SETD5: variants seen among roughly 807,000 people sequenced by gnomAD.
SETD5 encodes histone-lysine N-methyltransferase SETD5.
SETD5 carries 44 observed loss-of-function variants against 153.3 expected under a neutral mutation model. The ratio of observed to expected loss-of-function variants is 0.29; its 90% CI spans 0.23 to 0.37. The LOEUF (loss-of-function observed/expected upper bound fraction) is 0.37, where lower values mean the gene tolerates loss of function less well. Among genes scored for constraint, SETD5 ranks in the 10% least tolerant of loss-of-function variants. The pLI is 1.00. For missense variants in SETD5, 1,544 were observed against 1,768.0 expected, an observed-to-expected ratio of 0.87 and a Z score of 2.27; for synonymous variants, 716 against 645.2, an observed-to-expected ratio of 1.11 and a Z score of -1.66.
rs2045949528 is a variant in SETD5 at position 9,478,013 on chromosome 3, G to GGGGGGAA, written c.*1923_*1929dup. The GGGGGGAA allele has an allele frequency of 8.3e-6, 1 of 120,068 alleles. No individual in the cohort carries two copies. Among genetic ancestry groups the GGGGGGAA allele is most frequent in the Non-Finnish European group, 1.8e-5 (1 of 56,030 alleles). 7.4% of individuals were successfully genotyped at this position (120,068 alleles called of 1,614,324 possible). A position where few individuals can be genotyped will look rare whatever the true frequency, so the allele number is the denominator to read the frequency against. ...CTTGGGGGGGTAGGGGCGGGGGGGT[G>GGGGGGAA]GGGGGAACTCTTGGAAGGGAAGAAG... is the stretch of plus-strand genomic sequence containing the variant. On this transcript the variant is annotated 3_prime_UTR_variant, in exon 23 of 23. Transcript: ENST00000402198.
intron 3 of SETD5, chr3:9,430,601 G>T (rs1251413241): frequency 1.6e-5 from 3 of 191,582 alleles, no homozygotes; most frequent in African/African-American, 7.1e-5. Flanking sequence ...TATAAAGTCA[G>T]CTACTAACCT....
At chr3:9,445,630 C>T (rs767842594) in intron 12 of SETD5, 27 bp from the exon 13 acceptor site, 3 of 1,581,758 alleles carry the variant, frequency 1.9e-6, no homozygotes, top group South Asian at 1.1e-5. Flanking sequence ...AGCTTGAGTA[C>T]AGCTGAATAT....
chr3:9,429,503 T>G (rs1360881867), intron 3 of SETD5, among the ~76,000 whole-genome samples: 1 of 152,204 alleles, frequency 6.6e-6, no homozygotes. Flanking sequence ...GTCATCTGTT[T>G]TTTTATAATA....
At chr3:9,449,739 A>G (rs2125304391) in intron 16 of SETD5, 1 of 152,382 alleles carries the variant, frequency 6.6e-6, no homozygotes, top group South Asian at 2.1e-4. Flanking sequence ...ATCTGCAAAA[A>G]GGAAGGACAC....
intron 13 of SETD5, 147 bp downstream of exon 13, chr3:9,445,887 A>G (rs1452140064): frequency 5.3e-6 from 2 of 375,848 alleles, no homozygotes; most frequent in Non-Finnish European, 9.4e-6. Flanking sequence ...AGATTTTATT[A>G]TAATTTTTTT....
At chr3:9,470,217 T>G (rs1038943860) in intron 18 of SETD5, among the ~76,000 whole-genome samples, 5 of 152,160 alleles carry the variant, frequency 3.3e-5, no homozygotes. Context: ...ATTCTAACTT[T>G]CCCAGTATTT....
chr3:9,427,384 T>C (rs2039411831), intron 2 of SETD5, among the ~76,000 whole-genome samples: 2 of 152,266 alleles, frequency 1.3e-5, no homozygotes, highest in African/African-American at 4.8e-5. Context: ...ACTTCATCTC[T>C]ACTAAAAGTA....
intron 1 of SETD5, among the ~76,000 whole-genome samples, chr3:9,403,195 A>G (rs377232519): frequency 6.6e-5 from 10 of 152,170 alleles, no homozygotes; most frequent in African/African-American, 2.2e-4. Flanking sequence ...ACCACATACT[A>G]TTAACCCCAA....
intron 1 of SETD5, among the ~76,000 whole-genome samples, chr3:9,402,310 A>G (rs901737865): frequency 6.6e-6 from 1 of 152,170 alleles, no homozygotes; most frequent in Non-Finnish European, 1.5e-5. Context: ...ATGGGATAAA[A>G]TAAACAATGA....
At chr3:9,440,385 G>C in intron 7 of SETD5, 71 bp from the exon 8 acceptor site, 2 of 802,764 alleles carry the variant, frequency 2.5e-6, no homozygotes, top group South Asian at 3.1e-5. Context: ...ACCCCAGCTT[G>C]TCCCACCCCC....
Position 9,434,246 on chromosome 3 carries a change from A to G in SETD5, c.178-88A>G, listed in dbSNP as rs781311818. On this transcript the variant is annotated intron_variant, in intron 4 of 22. Coordinates refer to ENST00000402198, the MANE Select transcript of SETD5 (RefSeq NM_001080517.3). This position sits in a 1 kb window ranked among gnomAD's most constrained non-coding sequence, Gnocchi z 5.6. The stretch of plus-strand genomic sequence containing the variant: ...AGGGGAGAGAGGGGCCAGTGTTTGG[A>G]CACTGTTGATTTAAAAAATCTTATT... 5.1e-6 allele frequency: 8 copies of G among 1,568,600 alleles called. No individual in the cohort carries two copies. Among genetic ancestry groups the G allele is most frequent in the Middle Eastern group, 1.7e-4 (1 of 5,988 alleles).
At position 9,434,001 on chromosome 3, in the gene SETD5, T is replaced by C; in HGVS notation, c.177+51T>C. 1 of 1,613,230 alleles carries C rather than the reference T, an allele frequency of 6.2e-7. No homozygotes were observed. Among genetic ancestry groups the C allele is most frequent in the East Asian group, 2.2e-5 (1 of 44,872 alleles). ...GAACAGTGATCTTCCTGGAGTGTAA[T>C]CCATTCTTATACATTGTGACTTTCT... On this transcript the variant is annotated intron_variant, in intron 4 of 22. Coordinates refer to ENST00000402198, the MANE Select transcript of SETD5 (RefSeq NM_001080517.3). The surrounding 1 kb of genome is among the most constrained non-coding windows in gnomAD (Gnocchi z 5.6).
chr3:9,471,042 A>G (rs889605998), intron 19 of SETD5, 113 bp downstream of exon 19: 8 of 626,032 alleles, frequency 1.3e-5, no homozygotes, highest in Admixed American at 8.9e-5. Context: ...CAAGTGAGAC[A>G]TAGTCTCTGC....
At chr3:9,405,799 G>T (rs868100215) in intron 1 of SETD5, among the ~76,000 whole-genome samples, 1 of 152,104 alleles carries the variant, frequency 6.6e-6, no homozygotes, top group African/African-American at 2.4e-5. Context: ...TTGTCGTTTT[G>T]TATGAAGGGG....
chr3:9,413,496 T>C (rs1236052393), intron 1 of SETD5, among the ~76,000 whole-genome samples: 1 of 152,088 alleles, frequency 6.6e-6, no homozygotes, highest in Non-Finnish European at 1.5e-5. Context: ...CATCTGTAGT[T>C]TTGATCTTTT....
intron 20 of SETD5, among the ~76,000 whole-genome samples, chr3:9,473,738 C>A (rs1044606536): frequency 1.3e-5 from 2 of 152,174 alleles, no homozygotes; most frequent in African/African-American, 4.8e-5. Flanking sequence ...TTAAGAATTA[C>A]CAACATGCCT....
intron 7 of SETD5, among the ~76,000 whole-genome samples, chr3:9,437,960 G>A (rs984809260): frequency 3.2e-4 from 49 of 150,854 alleles, no homozygotes; most frequent in Middle Eastern, 3.4e-3. Flanking sequence ...CCGAGATCAC[G>A]CCACTGCACT....
At chr3:9,414,889 T>C (rs566114300) in intron 1 of SETD5, among the ~76,000 whole-genome samples, 33 of 152,206 alleles carry the variant, frequency 2.2e-4, no homozygotes, top group African/African-American at 7.5e-4. Flanking sequence ...AAAACAGTAA[T>C]GTTCAGGATT....
chr3:9,464,831 G>C, intron 18 of SETD5, 159 bp downstream of exon 18: 1 of 1,155,306 alleles, frequency 8.7e-7, no homozygotes, highest in Non-Finnish European at 1.2e-6. Flanking sequence ...CCTGTTACCT[G>C]GTAGCCTCTC....
Sources: allele counts gnomAD v4.1 joint callset (sites outside exome capture counted in the v4.1 genomes callset), GRCh38; gene constraint gnomAD v4.1.1; non-coding constraint Gnocchi (gnomAD v3.1); transcripts MANE v1.5; gene names NCBI Gene and HGNC (gene_info 2026-07-23, HGNC 2026-07-21).